KIRREL3: variants seen among roughly 807,000 people sequenced by gnomAD.
KIRREL3 encodes kin of IRRE-like protein 3.
In KIRREL3, 36 loss-of-function variants were observed where a neutral mutation model predicts 89.7. That is an observed-to-expected ratio of 0.40 (90% CI 0.31 to 0.53). The LOEUF is 0.53. Among genes scored for constraint, KIRREL3 ranks in the 20% least tolerant of loss-of-function variants. The pLI, the probability that KIRREL3 is intolerant of heterozygous loss-of-function variation, is 0.49. For synonymous variants in KIRREL3, 445 were observed against 441.4 expected (o/e 1.01, Z -0.10); for missense variants, 864 against 1,056.6 (o/e 0.82, Z 2.53).
Position 126,766,912 on chromosome 11 carries a change from T to G in KIRREL3, c.56-204000A>C, listed in dbSNP as rs1019962073. The stretch of plus-strand genomic sequence containing the variant: ...CAAAGTGAGGCACAGAGGGCTGGGG[T>G]CTATTACAAAGAGCTAGTCATGTTT... On this transcript the variant is annotated intron_variant, in intron 1 of 16. Transcript: ENST00000525144. The surrounding 1 kb of genome is among the most constrained non-coding windows in gnomAD (Gnocchi z 4.2). Among the ~76,000 whole-genome samples the G allele has an allele frequency of 4.6e-5, 7 of 152,040 alleles. No individual in the cohort carries two copies. Among genetic ancestry groups the G allele is most frequent in the African/African-American group, 1.7e-4 (7 of 41,396 alleles).
Position 126,521,323 on chromosome 11 carries a change from G to A in KIRREL3, c.425C>T (p.Thr142Ile). 2 of 1,546,616 alleles carry A rather than the reference G, an allele frequency of 1.3e-6. No homozygotes were observed. The highest frequency in any genetic ancestry group is 1.7e-6 in the Non-Finnish European group (2 of 1,143,740). ...AAIRSRPARLTVLVPPDDPVI... is the reference protein window; with the variant it reads ...AAIRSRPARLIVLVPPDDPVI... ...GTGCAGATGGTTCTTACCCAGGACT[G>A]TGAGGCGTGCGGGGCGGGAGCGGAT... The change falls in exon 4 of 17, where the codon ACA becomes ATA. Residue 142 changes from threonine to isoleucine, a missense_variant. Thr to Ile is a moderately conservative substitution (Grantham distance 89). Transcript: ENST00000525144. This position sits in a 1 kb window ranked among gnomAD's most constrained non-coding sequence, Gnocchi z 4.1.
chr11:126,672,071 T>C (rs1945976770), intron 1 of KIRREL3, among the ~76,000 whole-genome samples: 1 of 152,208 alleles, frequency 6.6e-6, no homozygotes, highest in Non-Finnish European at 1.5e-5. Flanking sequence ...GTTTTTTAAA[T>C]ACACAATTAA....
chr11:126,740,998 G>T lies in KIRREL3; in HGVS notation c.56-178086C>A, dbSNP rs918470232. 6.6e-6 allele frequency among the ~76,000 whole-genome samples: 1 copy of T among 152,106 alleles called. No individual in the cohort carries two copies. The highest frequency in any genetic ancestry group is 1.9e-4 in the East Asian group (1 of 5,188). On this transcript the variant is annotated intron_variant, in intron 1 of 16. Coordinates refer to ENST00000525144, the MANE Select transcript of KIRREL3 (RefSeq NM_032531.4). The surrounding 1 kb of genome is among the most constrained non-coding windows in gnomAD (Gnocchi z 6.0). ...TAGGAAAGTGGCAGAACAGGGAAAA[G>T]GTTCCACCACAAGGAGCTCATTCCT...
rs145430945 is a variant in KIRREL3 at position 126,463,599 on chromosome 11, G to A, written c.592-292C>T. Among the ~76,000 whole-genome samples the A allele has an allele frequency of 1.0e-3, 155 of 152,332 alleles. No homozygotes were observed. The highest frequency in any genetic ancestry group is 3.4e-3 in the African/African-American group (143 of 41,584). ...AAAAGCACAAAAGAAAGCAGGATGG[G>A]TTTCATGGAAACCAGGCTTCAGGGA... On this transcript the variant is annotated intron_variant, in intron 5 of 16. Coordinates refer to ENST00000525144, the MANE Select transcript of KIRREL3 (RefSeq NM_032531.4). The surrounding 1 kb of genome is among the most constrained non-coding windows in gnomAD (Gnocchi z 5.9).
rs756486731 is a variant in KIRREL3, at chr11:127,000,313, T to C, written c.55+142A>G. ...TGCATTCGCAAAGGCGAAGAGGCAA[T>C]GCCAGAGCATCTCAGCCCGGCACCG... is the stretch of plus-strand genomic sequence containing the variant. On this transcript the variant is annotated intron_variant, in intron 1 of 16. Transcript: ENST00000525144. This position sits in a 1 kb window ranked among gnomAD's most constrained non-coding sequence, Gnocchi z 7.1. The C allele has an allele frequency of 4.2e-5, 27 of 639,082 alleles. No individual in the cohort carries two copies. The highest frequency in any genetic ancestry group is 1.1e-4 in the South Asian group (5 of 45,322). The allele number at this position is 639,082 out of a possible 1,614,324, so 39.6% of individuals were successfully genotyped here. A position where few individuals can be genotyped will look rare whatever the true frequency, so the allele number is the denominator to read the frequency against.
Position 126,677,266 on chromosome 11 carries a change from A to G in KIRREL3, c.56-114354T>C, listed in dbSNP as rs1946237622. On this transcript the variant is annotated intron_variant, in intron 1 of 16. Transcript: ENST00000525144. The surrounding 1 kb of genome is among the most constrained non-coding windows in gnomAD (Gnocchi z 5.1). ...CCCATCACCTGGGTTTTAGGCGACT[A>G]CTAATTTACTTTCTGGCTAATGGAT... Among the ~76,000 whole-genome samples the G allele has an allele frequency of 6.6e-6, 1 of 152,098 alleles. No homozygotes were observed. The highest frequency in any genetic ancestry group is 2.4e-5 in the African/African-American group (1 of 41,398).
At position 126,741,529 on chromosome 11, in the gene KIRREL3, C is replaced by T. The variant is rs548625670; in HGVS notation, c.56-178617G>A. Among the ~76,000 whole-genome samples, 102 of 152,204 alleles carry T rather than the reference C, an allele frequency of 6.7e-4. 1 individual carries two copies. Among genetic ancestry groups the T allele is most frequent in the Middle Eastern group, 3.4e-3 (1 of 294 alleles). ...TCATCTAACCAGAGTTCAACAAATG[C>T]GTCTTGATCTTCAAAGAAAACACCT... On this transcript the variant is annotated intron_variant, in intron 1 of 16. Coordinates refer to ENST00000525144, the MANE Select transcript of KIRREL3 (RefSeq NM_032531.4).
Position 126,535,382 on chromosome 11 carries a change from T to C in KIRREL3, c.134-8695A>G. ...TCCCAAAGTCCCCACCAACTTCCAG[T>C]GAAACATTGAAATGCAGAAGACCCC... On this transcript the variant is annotated intron_variant, in intron 2 of 16. Transcript: ENST00000525144. This position sits in a 1 kb window ranked among gnomAD's most constrained non-coding sequence, Gnocchi z 4.5. Among the ~76,000 whole-genome samples the C allele has an allele frequency of 6.6e-6, 1 of 152,168 alleles. No individual in the cohort carries two copies. The highest frequency in any genetic ancestry group is 1.9e-4 in the East Asian group (1 of 5,194).
chr11:126,907,361 A>G (rs1012205013), intron 1 of KIRREL3, among the ~76,000 whole-genome samples: 1 of 152,170 alleles, frequency 6.6e-6, no homozygotes, highest in African/African-American at 2.4e-5. Context: ...ATCAAAGAAT[A>G]TCATAGTTTC....
At position 126,423,494 on chromosome 11, in the gene KIRREL3, G is replaced by A. The variant is rs1221964762; in HGVS notation, c.*1086C>T. 1.3e-5 allele frequency: 2 copies of A among 152,210 alleles called. No individual in the cohort carries two copies. Among genetic ancestry groups the A allele is most frequent in the Non-Finnish European group, 2.9e-5 (2 of 68,040 alleles). 9.4% of individuals were successfully genotyped at this position (152,210 alleles called of 1,614,324 possible). On this transcript the variant is annotated 3_prime_UTR_variant, in exon 17 of 17. Transcript: ENST00000525144. The stretch of plus-strand genomic sequence containing the variant: ...AGGAACAAAAGAACAGAACAAACAT[G>A]TTGGAGTAGTGTCCCTAACATTTAT...
rs1264626526 is a variant in KIRREL3 at position 126,909,289 on chromosome 11, A to T, written c.55+91166T>A. Among the ~76,000 whole-genome samples, 1 of 152,114 alleles carries T rather than the reference A, an allele frequency of 6.6e-6. No homozygotes were observed. The highest frequency in any genetic ancestry group is 1.5e-5 in the Non-Finnish European group (1 of 68,016). On this transcript the variant is annotated intron_variant, in intron 1 of 16. Transcript: ENST00000525144. This position sits in a 1 kb window ranked among gnomAD's most constrained non-coding sequence, Gnocchi z 4.5. ...CAGGCTCCGGCCTGGGACTCTTTACATTATAAGTGTGTGGCCCTGGGATCA... is the reference window on the plus strand; with the variant it reads ...CAGGCTCCGGCCTGGGACTCTTTACTTTATAAGTGTGTGGCCCTGGGATCA...
Position 126,593,039 on chromosome 11 carries a change from G to A in KIRREL3, c.56-30127C>T, listed in dbSNP as rs145776044. Among the ~76,000 whole-genome samples the A allele has an allele frequency of 2.0e-4, 31 of 152,288 alleles. No individual in the cohort carries two copies. In the East Asian group the frequency reaches 5.8e-3, roughly 29 times the overall value. Reference sequence around the variant, plus strand: ...TGCACAAAGGGCTTCTAGGCCTGAAGCCTCCAGCTCCCACCCCGTCAGCCG... The same window carrying A: ...TGCACAAAGGGCTTCTAGGCCTGAAACCTCCAGCTCCCACCCCGTCAGCCG... On this transcript the variant is annotated intron_variant, in intron 1 of 16. Transcript: ENST00000525144.
At chr11:126,457,802 A>G (rs367746031) in intron 6 of KIRREL3, among the ~76,000 whole-genome samples, 44 of 152,268 alleles carry the variant, frequency 2.9e-4, no homozygotes, top group African/African-American at 1.0e-3. Context: ...TGTTAGAGAG[A>G]AAGACCAAGT....
rs1288458720 is a variant in KIRREL3 at position 126,677,036 on chromosome 11, C to T, written c.56-114124G>A. Among the ~76,000 whole-genome samples the T allele has an allele frequency of 1.3e-5, 2 of 151,886 alleles. No individual in the cohort carries two copies. Among genetic ancestry groups the T allele is most frequent in the Non-Finnish European group, 2.9e-5 (2 of 68,012 alleles). On this transcript the variant is annotated intron_variant, in intron 1 of 16. Transcript: ENST00000525144. This position sits in a 1 kb window ranked among gnomAD's most constrained non-coding sequence, Gnocchi z 5.1. ...CTCCTGGGCTCAAGTGATCCTCCCG[C>T]CTTGGCCTCTCAAAGATTTTTTTTT... is the stretch of plus-strand genomic sequence containing the variant.
At chr11:126,907,743 C>T (rs1378667734) in intron 1 of KIRREL3, among the ~76,000 whole-genome samples, 4 of 152,246 alleles carry the variant, frequency 2.6e-5, no homozygotes, top group South Asian at 4.1e-4. Flanking sequence ...GAGATGGACA[C>T]GAAGTCAGCA....
At chr11:126,865,443 T>C (rs986097558) in intron 1 of KIRREL3, among the ~76,000 whole-genome samples, 3 of 152,192 alleles carry the variant, frequency 2.0e-5, no homozygotes, top group Non-Finnish European at 4.4e-5. Flanking sequence ...GTAGATACTT[T>C]GGTATAAGTC....
intron 12 of KIRREL3, 79 bp from the exon 13 acceptor site, chr11:126,435,382 A>T: frequency 6.8e-7 from 1 of 1,462,470 alleles, no homozygotes. Context: ...TAGCTGCTTG[A>T]GCGGGGCTGG....
chr11:126,587,347 T>G lies in KIRREL3; in HGVS notation c.56-24435A>C, dbSNP rs1461872353. 6.6e-6 allele frequency among the ~76,000 whole-genome samples: 1 copy of G among 152,134 alleles called. No individual in the cohort carries two copies. The highest frequency in any genetic ancestry group is 1.5e-5 in the Non-Finnish European group (1 of 68,024). On this transcript the variant is annotated intron_variant, in intron 1 of 16. Coordinates refer to ENST00000525144, the MANE Select transcript of KIRREL3 (RefSeq NM_032531.4). This position sits in a 1 kb window ranked among gnomAD's most constrained non-coding sequence, Gnocchi z 5.2. ...CGGTGATGGCATGTTTGGTCTGGCC[T>G]GGAGCAGAGCTGCAGGGGAAGCTGT...
chr11:126,634,915 T>TG (rs1475948543), intron 1 of KIRREL3, among the ~76,000 whole-genome samples: 2 of 151,954 alleles, frequency 1.3e-5, no homozygotes, highest in Non-Finnish European at 2.9e-5. Context: ...TAGGGAAGTG[T>TG]GGAGGGAGGG....
Sources: allele counts gnomAD v4.1 joint callset (sites outside exome capture counted in the v4.1 genomes callset), GRCh38; gene constraint gnomAD v4.1.1; non-coding constraint Gnocchi (gnomAD v3.1); transcripts MANE v1.5; gene names NCBI Gene and HGNC (gene_info 2026-07-23, HGNC 2026-07-21).